The following SRRM1 variants were observed in gnomAD, a reference collection of about 807,000 sequenced individuals.
SRRM1 encodes the protein serine/arginine repetitive matrix protein 1.
SRRM1 carries 19 observed loss-of-function variants against 110.2 expected under a neutral mutation model. The observed-to-expected ratio is 0.17, with a 90% CI of 0.12 to 0.25. The LOEUF is 0.25. SRRM1 is among the 10% of genes least tolerant of loss of function. SRRM1 has a pLI of 1.00. For synonymous variants in SRRM1, 443 were observed against 414.9 expected (o/e 1.07, Z -0.82); for missense variants, 918 against 1,145.8 (o/e 0.80, Z 2.87).
At chr1:24,660,823 G>A (rs759201858) in intron 10 of SRRM1, 24 bp downstream of exon 10, 18 of 1,519,026 alleles carry the variant, frequency 1.2e-5, no homozygotes, top group Admixed American at 2.1e-5. Flanking sequence ...TTTTTTTTGT[G>A]ATTTTGGTTT....
rs112810692 is a variant in SRRM1 at position 24,662,856 on chromosome 1, A to T, written c.1628+52A>T. On this transcript the variant is annotated intron_variant, in intron 12 of 16. Coordinates refer to ENST00000323848, the MANE Select transcript of SRRM1 (RefSeq NM_005839.4). The stretch of plus-strand genomic sequence containing the variant: ...ACTGATGTTCTGTAATTGTGATGAA[A>T]TTTGATAACTTGGGATTATTTGAGA... 61 of 1,583,176 alleles carry T rather than the reference A, an allele frequency of 3.9e-5. No homozygotes were observed. In the African/African-American group the frequency reaches 7.1e-4, roughly 19 times the overall value.
At position 24,658,570 on chromosome 1, in the gene SRRM1, T is replaced by C. The variant is rs537262810; in HGVS notation, c.1316-2149T>C. On this transcript the variant is annotated intron_variant, in intron 9 of 16. Transcript: ENST00000323848. ...ATTTTTAATGTTTCTTAGGGGAAAA[T>C]GTATCCAAACAATCAGCTTCCAAAG... 2.7e-4 allele frequency among the ~76,000 whole-genome samples: 41 copies of C among 152,222 alleles called. No individual in the cohort carries two copies. The East Asian group carries it at 7.5e-3, about 28-fold the overall frequency.
chr1:24,662,858 T>C lies in SRRM1; in HGVS notation c.1628+54T>C, dbSNP rs572137148. 4.4e-6 allele frequency: 7 copies of C among 1,581,606 alleles called. No individual in the cohort carries two copies. In the Admixed American group the frequency reaches 5.2e-5, roughly 12 times the overall value. ...TGATGTTCTGTAATTGTGATGAAAT[T>C]TGATAACTTGGGATTATTTGAGAAT... On this transcript the variant is annotated intron_variant, in intron 12 of 16. Transcript: ENST00000323848.
rs749821350 is a variant in SRRM1, at chr1:24,646,714, A to G, written c.159A>G (p.Thr53=). The G allele has an allele frequency of 6.2e-7, 1 of 1,608,348 alleles. No individual in the cohort carries two copies. The highest frequency in any genetic ancestry group is 2.2e-5 in the East Asian group (1 of 44,452). ...TGGAGGTTATAAAGCCTTGGATAAC[A>G]AAAAGAGTAACGGAAATCCTTGGGT... The part of the protein sequence containing the change: ...VNLEVIKPWI[T]KRVTEILGFE... Residue 53 remains threonine (T), a synonymous_variant, in exon 3 of 17, where the codon ACA becomes ACG. Transcript: ENST00000323848.
At chr1:24,664,098 C>T (rs534430319) in intron 12 of SRRM1, among the ~76,000 whole-genome samples, 29 of 145,814 alleles carry the variant, frequency 2.0e-4, no homozygotes, top group Admixed American at 3.5e-4. Flanking sequence ...TAGGTTCAAA[C>T]GATTCTCCTG....
At position 24,645,971 on chromosome 1, in the gene SRRM1, T is replaced by C. The variant is rs757265637; in HGVS notation, c.22-13T>C. 1.2e-6 allele frequency: 2 copies of C among 1,610,732 alleles called. No individual in the cohort carries two copies. Among genetic ancestry groups the C allele is most frequent in the Admixed American group, 1.7e-5 (1 of 59,760 alleles). ...TTTGAACCCTTAGTTAAGATGTGGT[T>C]CTCTTCCTGCAGGGAACAAGTGCAG... On this transcript the variant is annotated splice_polypyrimidine_tract_variant and intron_variant, in intron 1 of 16. Transcript: ENST00000323848.
In SRRM1 at chr1:24,672,471, C is replaced by G. The variant is rs1673229747; in HGVS notation, c.*185C>G. 1 of 363,416 alleles carries G rather than the reference C, an allele frequency of 2.8e-6. No homozygotes were observed. Among genetic ancestry groups the G allele is most frequent in the Admixed American group, 4.7e-5 (1 of 21,304 alleles). The allele number at this position is 363,416 out of a possible 1,614,324, so 22.5% of individuals were successfully genotyped here. A position where few individuals can be genotyped will look rare whatever the true frequency, so the allele number is the denominator to read the frequency against. ...AAAGGTGTCCACAGTGTATTAGTGACATTCTTTCATTGACAGCTGACATAA... is the reference window on the plus strand; with the variant it reads ...AAAGGTGTCCACAGTGTATTAGTGAGATTCTTTCATTGACAGCTGACATAA... On this transcript the variant is annotated 3_prime_UTR_variant, in exon 17 of 17. Coordinates refer to ENST00000323848, the MANE Select transcript of SRRM1 (RefSeq NM_005839.4).
intron 5 of SRRM1, 55 bp from the exon 6 acceptor site, chr1:24,651,354 C>T (rs1377747880): frequency 1.4e-6 from 2 of 1,425,266 alleles, no homozygotes; most frequent in Non-Finnish European, 2.0e-6. Flanking sequence ...CCCTTTGACT[C>T]CTCTCTTCCA....
chr1:24,654,829 G>A (rs749165481), intron 8 of SRRM1, 26 bp from the exon 9 acceptor site: 1 of 1,612,496 alleles, frequency 6.2e-7, no homozygotes, highest in East Asian at 2.2e-5. Context: ...TGTGCAATTA[G>A]TGAATATGAA....
chr1:24,669,403 C>A lies in SRRM1; in HGVS notation c.2020C>A (p.Arg674=). 1 of 1,614,136 alleles carries A rather than the reference C, an allele frequency of 6.2e-7. No homozygotes were observed. The highest frequency in any genetic ancestry group is 8.5e-7 in the Non-Finnish European group (1 of 1,180,028). ...SSPSRSTREA[R]SPQPNKRHSP... ...CCCAAGCCGCTCTACCCGGGAGGCC[C>A]GATCACCACAACCAAACAAACGGCA... is the stretch of plus-strand genomic sequence containing the variant. Residue 674 remains arginine (R), a synonymous_variant, in exon 14 of 17, where the codon CGA becomes AGA. Coordinates refer to ENST00000323848, the MANE Select transcript of SRRM1 (RefSeq NM_005839.4).
intron 9 of SRRM1, among the ~76,000 whole-genome samples, chr1:24,659,040 A>C (rs757231362): frequency 6.6e-6 from 1 of 152,182 alleles, no homozygotes; most frequent in Non-Finnish European, 1.5e-5. Flanking sequence ...CTAAAAATAC[A>C]AAATTAGCCG....
intron 13 of SRRM1, among the ~76,000 whole-genome samples, chr1:24,668,003 C>G (rs1670898296): frequency 9.2e-6 from 1 of 108,494 alleles, no homozygotes; most frequent in Non-Finnish European, 1.7e-5. Flanking sequence ...GAGACAGTCT[C>G]ACTCTGTCAC....
chr1:24,652,309 G>A, intron 6 of SRRM1, 125 bp from the exon 7 acceptor site: 5 of 643,608 alleles, frequency 7.8e-6, no homozygotes, highest in Non-Finnish European at 1.3e-5. Flanking sequence ...TGTGTCTTTT[G>A]GAGATAGAGA....
chr1:24,648,589 G>A (rs1253101573), intron 3 of SRRM1: 1 of 293,006 alleles, frequency 3.4e-6, no homozygotes, highest in Non-Finnish European at 6.2e-6. Context: ...CAGCCACAGA[G>A]TCTAAAAATA....
intron 12 of SRRM1, among the ~76,000 whole-genome samples, chr1:24,664,347 CTG>C (rs1389036658): frequency 1.3e-5 from 2 of 152,176 alleles, no homozygotes; most frequent in African/African-American, 2.4e-5. Flanking sequence ...GACCATAAAA[CTG>C]TAAAATTTTA....
chr1:24,671,568 G>A lies in SRRM1; in HGVS notation c.2583G>A (p.Glu861=), dbSNP rs759748152. 9.4e-6 allele frequency: 15 copies of A among 1,597,186 alleles called. No homozygotes were observed. The highest frequency in any genetic ancestry group is 1.3e-5 in the Non-Finnish European group (15 of 1,175,066). ...AAATTTLAQE[E]PVAAPEPKKE... ...CCACAACCACATTAGCACAGGAAGA[G>A]CCAGTGGCAGCGCCAGAGCCGAAGA... Residue 861 remains glutamate, a synonymous_variant, in exon 16 of 17, where the codon GAG becomes GAA. Coordinates refer to ENST00000323848, the MANE Select transcript of SRRM1 (RefSeq NM_005839.4).
chr1:24,643,466 C>T (rs1020133123), intron 1 of SRRM1, 119 bp downstream of exon 1: 12 of 837,148 alleles, frequency 1.4e-5, no homozygotes, highest in East Asian at 1.0e-4. Flanking sequence ...TTAAGGATTC[C>T]TCCTAGAGCC....
chr1:24,645,631 C>T (rs997259670), intron 1 of SRRM1, among the ~76,000 whole-genome samples: 11 of 152,170 alleles, frequency 7.2e-5, no homozygotes, highest in Non-Finnish European at 1.6e-4. Flanking sequence ...ATTTCAAATA[C>T]TTCAATGTGT....
intron 13 of SRRM1, 31 bp from the exon 14 acceptor site, chr1:24,669,092 C>T (rs202026157): frequency 3.4e-4 from 533 of 1,580,576 alleles, no homozygotes; most frequent in African/African-American, 3.3e-3. Flanking sequence ...TTTGTTGAGC[C>T]TTTCAGCTTA....
Sources: gnomAD v4.1 joint callset for allele counts (sites outside exome capture counted in the v4.1 genomes callset) on GRCh38, gnomAD v4.1.1 for gene constraint, MANE v1.5 for transcripts, NCBI Gene and HGNC (gene_info 2026-07-23, HGNC 2026-07-21) for gene names.